TTC3: variants seen among roughly 807,000 people sequenced by gnomAD.
The protein encoded by TTC3 is E3 ubiquitin-protein ligase TTC3.
A neutral mutation model predicts 249.6 loss-of-function variants in TTC3; 180 were observed. That is an observed-to-expected ratio of 0.72 (90% CI 0.64 to 0.82). The LOEUF (loss-of-function observed/expected upper bound fraction) is 0.82, where lower values mean the gene tolerates loss of function less well. Ranked by LOEUF, TTC3 falls within the 40% of genes least tolerant of loss-of-function variation. TTC3 has a pLI of 0.00. For synonymous variants in TTC3, 717 were observed against 805.0 expected (o/e 0.89, Z 1.85); for missense variants, 2,061 against 2,398.4 (o/e 0.86, Z 2.94).
chr21:37,200,455 G>T (rs774262591), intron 45 of TTC3, 131 bp downstream of exon 45: 15 of 1,002,274 alleles, frequency 1.5e-5, no homozygotes, highest in Non-Finnish European at 2.2e-5. Flanking sequence ...CAAACCTCCC[G>T]TGTCAGTGTT....
rs373589640 is a variant in TTC3 at position 37,111,806 on chromosome 21, A to T, written c.900+3360A>T. ...TTGACCGCATAGTTGGAAGTAAAGC[A>T]CTCCTCAGCAAATGTAAAAGAACAG... is the stretch of plus-strand genomic sequence containing the variant. On this transcript the variant is annotated intron_variant, in intron 11 of 45. Transcript: ENST00000355666. 3.0e-4 allele frequency among the ~76,000 whole-genome samples: 45 copies of T among 152,178 alleles called. No individual in the cohort carries two copies. In the East Asian group the frequency reaches 5.4e-3, roughly 18 times the overall value.
intron 1 of TTC3, among the ~76,000 whole-genome samples, chr21:37,084,854 G>A (rs147364679): frequency 9.9e-5 from 15 of 152,234 alleles, no homozygotes; most frequent in South Asian, 2.1e-4. Context: ...TTAGCTGGGC[G>A]TGGTGGTGGG....
intron 30 of TTC3, among the ~76,000 whole-genome samples, 173 bp downstream of exon 30, chr21:37,161,031 C>T (rs1022424932): frequency 2.0e-5 from 3 of 151,536 alleles, no homozygotes; most frequent in African/African-American, 7.3e-5. Flanking sequence ...ATTCCAGGTT[C>T]ATATTATATA....
chr21:37,093,094 C>G (rs1414041605), intron 7 of TTC3, among the ~76,000 whole-genome samples: 2 of 152,076 alleles, frequency 1.3e-5, no homozygotes, highest in Non-Finnish European at 2.9e-5. Flanking sequence ...AAAGGAAATG[C>G]TCGCTGGGCG....
chr21:37,090,440 AT>A, intron 6 of TTC3, 154 bp downstream of exon 6: 1 of 586,694 alleles, frequency 1.7e-6, no homozygotes, highest in Non-Finnish European at 2.1e-6. Context: ...GAGACTCCTC[AT>A]TTTGGGGGTT....
Position 37,145,479 on chromosome 21 carries a change from T to C in TTC3, c.1893+834T>C, listed in dbSNP as rs202136836. 5.3e-5 allele frequency among the ~76,000 whole-genome samples: 8 copies of C among 152,230 alleles called. No homozygotes were observed. The East Asian group carries it at 1.5e-3, about 29-fold the overall frequency. On this transcript the variant is annotated intron_variant, in intron 21 of 45. Coordinates refer to ENST00000355666, the Ensembl canonical transcript of TTC3. ...CATTAGGATGTGGGCAGACAATAAA[T>C]ATTGGCAAGGGTGTAGAAAAATGGG...
intron 22 of TTC3, 98 bp from the exon 23 acceptor site, chr21:37,148,448 A>G (rs573555469): frequency 3.7e-6 from 2 of 536,626 alleles, no homozygotes; most frequent in Admixed American, 3.3e-5. Flanking sequence ...GGAAATAAAT[A>G]TGTTAGTCAA....
At chr21:37,144,668 T>C (rs745664132) in intron 21 of TTC3, 23 bp downstream of exon 21, 1 of 1,598,370 alleles carries the variant, frequency 6.3e-7, no homozygotes, top group African/African-American at 1.3e-5. Flanking sequence ...TTTTGCAGAG[T>C]GTTTCTTACT....
intron 35 of TTC3, among the ~76,000 whole-genome samples, chr21:37,173,391 G>C (rs1046184660): frequency 6.6e-6 from 1 of 152,140 alleles, no homozygotes; most frequent in Non-Finnish European, 1.5e-5. Flanking sequence ...AAGTCACCCA[G>C]AGTATTTTGT....
At chr21:37,128,909 T>A in intron 15 of TTC3, 94 bp from the exon 16 acceptor site, 1 of 974,820 alleles carries the variant, frequency 1.0e-6, no homozygotes, top group Non-Finnish European at 1.5e-6. Context: ...GCTTCTGTTT[T>A]CTTACTCCAA....
intron 17 of TTC3, among the ~76,000 whole-genome samples, chr21:37,133,728 G>A (rs1476855795): frequency 6.6e-6 from 1 of 152,192 alleles, no homozygotes; most frequent in Non-Finnish European, 1.5e-5. Flanking sequence ...ATGAAAGCAT[G>A]AGGCTGTATG....
chr21:37,148,867 C>A (rs1222098298), intron 23 of TTC3, among the ~76,000 whole-genome samples: 1 of 152,058 alleles, frequency 6.6e-6, no homozygotes, highest in African/African-American at 2.4e-5. Flanking sequence ...CACTGTGTTG[C>A]CCAGGCTAGA....
Position 37,159,869 on chromosome 21 carries a change from G to C in TTC3, c.3039+124G>C. ...CATTCAAGAACCACATTAAAAGGAC[G>C]TCTGGGTAGTACGTACTATTATTCA... On this transcript the variant is annotated intron_variant, in intron 29 of 45. Coordinates refer to ENST00000355666, the Ensembl canonical transcript of TTC3. 4 of 838,398 alleles carry C rather than the reference G, an allele frequency of 4.8e-6. No homozygotes were observed. The South Asian group carries it at 6.0e-5, about 13-fold the overall frequency. The allele number at this position is 838,398 out of a possible 1,614,324, so 51.9% of individuals were successfully genotyped here.
intron 25 of TTC3, 147 bp from the exon 26 acceptor site, chr21:37,151,746 C>T (rs1371757158): frequency 1.1e-6 from 1 of 889,588 alleles, no homozygotes; most frequent in South Asian, 2.6e-5. Context: ...TTTGACAATA[C>T]TGACAGTTTC....
chr21:37,159,763 C>A lies in TTC3; in HGVS notation c.3039+18C>A, dbSNP rs201694365. 2.5e-3 allele frequency: 4,029 copies of A among 1,611,580 alleles called. 85 individuals are homozygous for A. The African/African-American group carries it at 0.043, about 17-fold the overall frequency. Reference sequence around the variant, plus strand: ...AAGCACCGGTAAGTTACTTGGATCACTTGAATCTTACGTTCTAATCTGATG... The same window carrying A: ...AAGCACCGGTAAGTTACTTGGATCAATTGAATCTTACGTTCTAATCTGATG... On this transcript the variant is annotated intron_variant, in intron 29 of 45. Coordinates refer to ENST00000355666, the Ensembl canonical transcript of TTC3.
At position 37,088,192 on chromosome 21, in the gene TTC3, T is replaced by C. The variant is rs1241313946; in HGVS notation, c.188-4T>C. On this transcript the variant is annotated splice_region_variant and splice_polypyrimidine_tract_variant and intron_variant, in intron 3 of 45. Transcript: ENST00000355666. ...ATTAATTTTAAACTTTTTTTTTAAT[T>C]AAGAATTTGACATCTGCAGTATATG... 2.6e-6 allele frequency: 4 copies of C among 1,554,532 alleles called. No homozygotes were observed. The East Asian group carries it at 9.2e-5, about 36-fold the overall frequency.
In TTC3 at chr21:37,165,632, G is replaced by T; in HGVS notation, c.3418G>T (p.Glu1140Ter). 1 of 1,614,080 alleles carries T rather than the reference G, an allele frequency of 6.2e-7. No homozygotes were observed. Among genetic ancestry groups the T allele is most frequent in the African/African-American group, 1.3e-5 (1 of 75,026 alleles). The change falls in exon 33 of 46, where the codon GAA (glutamate) becomes TAA (stop). Residue 1140 changes from glutamate (E) to a stop codon, truncating the protein, a stop_gained. Coordinates refer to ENST00000355666, the Ensembl canonical transcript of TTC3. LOFTEE classifies it high-confidence loss of function. ...CTCTGCAGAATATGAGTTTTTCCCA[G>T]AAGAAACTCGACAGATACTAGAAAA...
At chr21:37,124,112 C>CTTTTTTTTTTTTTTTTTTTTTTTGTTT (rs2076857811) in intron 13 of TTC3, among the ~76,000 whole-genome samples, 1 of 61,272 alleles carries the variant, frequency 1.6e-5, no homozygotes, top group Non-Finnish European at 2.8e-5. Flanking sequence ...TTGAACTGTT[C>CTTTTTTTTTTTTTTTTTTTTTTTGTTT]TTTTTTTTTT....
At chr21:37,134,184 T>G (rs141506773) in intron 17 of TTC3, among the ~76,000 whole-genome samples, 1,560 of 152,020 alleles carry the variant, frequency 0.01, 15 homozygotes, top group East Asian at 0.03. Flanking sequence ...GGGTGCAGGG[T>G]CTCACACCTG....
Sources: gnomAD v4.1 joint callset for allele counts (sites outside exome capture counted in the v4.1 genomes callset) on GRCh38, gnomAD v4.1.1 for gene constraint, MANE v1.5 for transcripts, NCBI Gene and HGNC (gene_info 2026-07-23, HGNC 2026-07-21) for gene names.